Variants in MELK observed in about 807,000 individuals in gnomAD.
MELK encodes pEg3 kinase.
Under a neutral mutation model 85.0 loss-of-function variants are expected in MELK, and 81 were observed. The observed-to-expected ratio is 0.95, with a 90% CI of 0.80 to 1.15. MELK has a LOEUF of 1.15. Ranked by LOEUF, MELK falls within the 50% of genes most tolerant of loss-of-function variation. The probability of loss-of-function intolerance (pLI) is 0.00; values close to 1 mark genes in which losing one functional copy is unlikely to be tolerated. For synonymous variants in MELK, 252 were observed against 265.0 expected, an observed-to-expected ratio of 0.95 and a Z score of 0.48; for missense variants, 754 against 777.5, an observed-to-expected ratio of 0.97 and a Z score of 0.36.
intron 7 of MELK, among the ~76,000 whole-genome samples, chr9:36,606,150 A>C (rs1018310925): frequency 2.6e-5 from 4 of 151,590 alleles, no homozygotes; most frequent in Admixed American, 6.6e-5. Flanking sequence ...TTGTAGGACT[A>C]TTTGTGCTGG....
At chr9:36,585,302 GTT>G (rs869244728) in intron 3 of MELK, among the ~76,000 whole-genome samples, 13 of 77,814 alleles carry the variant, frequency 1.7e-4, no homozygotes, top group African/African-American at 4.0e-4. Context: ...ACCATTCTTT[GTT>G]TTTTTTTTTT....
At chr9:36,668,576 G>A (rs1231724148) in intron 14 of MELK, among the ~76,000 whole-genome samples, 2 of 146,804 alleles carry the variant, frequency 1.4e-5, no homozygotes, top group Non-Finnish European at 3.0e-5. Context: ...GCAATGGCGC[G>A]ATCTCGGCTC....
At chr9:36,650,037 A>G (rs900053771) in intron 11 of MELK, among the ~76,000 whole-genome samples, 9 of 151,966 alleles carry the variant, frequency 5.9e-5, no homozygotes, top group African/African-American at 2.2e-4. Flanking sequence ...TCTGTCTCCC[A>G]GATTCACGTC....
chr9:36,587,447 G>C (rs1379592498), intron 3 of MELK, among the ~76,000 whole-genome samples: 1 of 151,922 alleles, frequency 6.6e-6, no homozygotes, highest in Non-Finnish European at 1.5e-5. Flanking sequence ...CTCCCATGTA[G>C]TTGGGATTAC....
chr9:36,665,380 G>A lies in MELK; in HGVS notation c.1207G>A (p.Val403Met), dbSNP rs1832242727. ...CAAGTACTGGACAGAATCAAATGGG[G>A]TGGAATCTAAATCATTAACTCCAGC... is the stretch of plus-strand genomic sequence containing the variant. The part of the protein sequence containing the change: ...FTKYWTESNG[V>M]ESKSLTPALC... Residue 403 changes from valine to methionine, a missense_variant, in exon 14 of 18, where the codon GTG (valine) becomes ATG (methionine). Transcript: ENST00000298048. The A allele has an allele frequency of 6.2e-7, 1 of 1,613,070 alleles. No individual in the cohort carries two copies. The highest frequency in any genetic ancestry group is 8.5e-7 in the Non-Finnish European group (1 of 1,179,600).
intron 16 of MELK, among the ~76,000 whole-genome samples, chr9:36,671,879 C>G (rs1832921614): frequency 6.6e-6 from 1 of 152,158 alleles, no homozygotes; most frequent in Non-Finnish European, 1.5e-5. Context: ...TGAGACAGCC[C>G]ATTCCTTGAG....
chr9:36,615,887 A>AG (rs1587445875), intron 8 of MELK, among the ~76,000 whole-genome samples: 2 of 150,678 alleles, frequency 1.3e-5, no homozygotes, highest in East Asian at 3.9e-4. Flanking sequence ...AGCCAGGCAG[A>AG]GGGGCTCCTC....
intron 8 of MELK, chr9:36,629,952 C>G (rs898416829): frequency 3.3e-4 from 51 of 153,388 alleles, no homozygotes; most frequent in Admixed American, 4.2e-4. Flanking sequence ...TCAAGTGATT[C>G]TCCTGCCTCA....
At chr9:36,640,384 C>T (rs61443877) in intron 10 of MELK, among the ~76,000 whole-genome samples, 5,955 of 152,226 alleles carry the variant, frequency 0.039, 327 homozygotes, top group African/African-American at 0.11. Context: ...TGTGTCCTCA[C>T]GTGGTGGAAC....
At chr9:36,630,032 A>G (rs1049462655) in intron 8 of MELK, 2 of 299,436 alleles carry the variant, frequency 6.7e-6, no homozygotes, top group Non-Finnish European at 1.2e-5. Context: ...TTTAGTAGAG[A>G]CAGTGTTTCA....
chr9:36,607,063 G>C (rs1020871105), intron 7 of MELK: 3 of 153,178 alleles, frequency 2.0e-5, no homozygotes, highest in Non-Finnish European at 4.4e-5. Flanking sequence ...GGGATTACAG[G>C]CATGAGCCAC....
chr9:36,657,688 T>G (rs968511990), intron 13 of MELK, among the ~76,000 whole-genome samples: 1 of 152,194 alleles, frequency 6.6e-6, no homozygotes, highest in Non-Finnish European at 1.5e-5. Flanking sequence ...CCTCCCAGGT[T>G]CAAGTGATTC....
chr9:36,644,417 T>C (rs149168162), intron 11 of MELK, among the ~76,000 whole-genome samples: 1,934 of 152,294 alleles, frequency 0.013, 20 homozygotes, highest in Non-Finnish European at 0.018. Flanking sequence ...TTTAAAAAAT[T>C]AAACAAAGCT....
intron 4 of MELK, among the ~76,000 whole-genome samples, chr9:36,592,026 T>C (rs1018175792): frequency 2.0e-5 from 3 of 152,164 alleles, no homozygotes; most frequent in Non-Finnish European, 4.4e-5. Flanking sequence ...TTTTATTATA[T>C]TGTTAATAGA....
At chr9:36,585,308 T>TG (rs1485175207) in intron 3 of MELK, among the ~76,000 whole-genome samples, 1 of 140,030 alleles carries the variant, frequency 7.1e-6, no homozygotes, top group Non-Finnish European at 1.5e-5. Flanking sequence ...CTTTGTTTTT[T>TG]TTTTTTTTTT....
chr9:36,657,777 G>T (rs62541991), intron 13 of MELK, among the ~76,000 whole-genome samples: 4,262 of 152,174 alleles, frequency 0.028, 83 homozygotes, highest in Non-Finnish European at 0.041. Context: ...TAGAGACAGG[G>T]TTTCACCATG....
intron 2 of MELK, 132 bp downstream of exon 2, chr9:36,581,871 A>C (rs1426860756): frequency 1.6e-6 from 1 of 623,622 alleles, no homozygotes; most frequent in African/African-American, 1.9e-5. Context: ...AGTAAGAAAA[A>C]GTGGAGCAAG....
chr9:36,584,848 G>C (rs897014937), intron 3 of MELK, among the ~76,000 whole-genome samples: 1 of 151,474 alleles, frequency 6.6e-6, no homozygotes, highest in Non-Finnish European at 1.5e-5. Context: ...CTCCTGAGTG[G>C]GTGTGACCAG....
intron 10 of MELK, among the ~76,000 whole-genome samples, chr9:36,637,281 A>G (rs554612742): frequency 1.3e-5 from 2 of 152,214 alleles, no homozygotes; most frequent in Non-Finnish European, 2.9e-5. Context: ...GTATCTTTCA[A>G]GGTTGTACAA....
Sources: allele counts gnomAD v4.1 joint callset (sites outside exome capture counted in the v4.1 genomes callset), GRCh38; gene constraint gnomAD v4.1.1; transcripts MANE v1.5; gene names NCBI Gene and HGNC (gene_info 2026-07-23, HGNC 2026-07-21).